Variants in ACSBG2 observed in about 807,000 individuals in gnomAD.
The protein encoded by ACSBG2 is long-chain-fatty-acid--CoA ligase ACSBG2.
In ACSBG2, 62 loss-of-function variants were observed where a neutral mutation model predicts 74.7. That is an observed-to-expected ratio of 0.83 (90% CI 0.68 to 1.03). The LOEUF (loss-of-function observed/expected upper bound fraction) is 1.03, where lower values mean the gene tolerates loss of function less well. ACSBG2 is among the 50% of genes least tolerant of loss of function. The pLI, the probability that ACSBG2 is intolerant of heterozygous loss-of-function variation, is 0.00. For missense variants in ACSBG2, 730 were observed against 817.6 expected (o/e 0.89, Z 1.31); for synonymous variants, 309 against 294.1 (o/e 1.05, Z -0.52).
intron 8 of ACSBG2, among the ~76,000 whole-genome samples, chr19:6,181,773 GT>G (rs1394133772): frequency 8.4e-6 from 1 of 119,522 alleles, no homozygotes; most frequent in East Asian, 2.3e-4. Context: ...GGAAGCGTTT[GT>G]TTGTTTTATT....
chr19:6,182,804 G>A lies in ACSBG2; in HGVS notation c.960G>A (p.Val320=). ...TAAAACCTACTGTCTTCATTGGAGT[G>A]CCTCAAATTTGGGAGAAGATACATG... ...KEVKPTVFIG[V]PQIWEKIHEM... Residue 320 remains valine, a synonymous_variant, in exon 9 of 15, where the codon GTG becomes GTA. Transcript: ENST00000588485. 1.2e-6 allele frequency: 2 copies of A among 1,614,194 alleles called. No homozygotes were observed. The highest frequency in any genetic ancestry group is 1.7e-6 in the Non-Finnish European group (2 of 1,180,030).
At chr19:6,181,955 C>T (rs376014142) in intron 8 of ACSBG2, among the ~76,000 whole-genome samples, 53 of 152,182 alleles carry the variant, frequency 3.5e-4, no homozygotes, top group African/African-American at 1.1e-3. Context: ...ACTTATTACA[C>T]TAGCTTGATA....
At chr19:6,184,867 A>C (rs1472165445) in intron 10 of ACSBG2, among the ~76,000 whole-genome samples, 1 of 141,844 alleles carries the variant, frequency 7.1e-6, no homozygotes, top group Non-Finnish European at 1.5e-5. Flanking sequence ...AAAAAAAAAA[A>C]AAAAACGAAA....
chr19:6,156,527 T>A lies in ACSBG2; in HGVS notation c.483T>A (p.Asp161Glu), dbSNP rs767797009. The A allele has an allele frequency of 1.3e-6, 2 of 1,586,808 alleles. No individual in the cohort carries two copies. Among genetic ancestry groups the A allele is most frequent in the Admixed American group, 1.8e-5 (1 of 55,732 alleles). ...TGAACATCTTGCTGGTTGAGAATGA[T>A]CAACAGTTACAGAAAATCCTTTCGG... The part of the protein sequence containing the change: ...AKVNILLVEN[D>E]QQLQKILSIP... Residue 161 changes from aspartate (D) to glutamate (E), a missense_variant, in exon 5 of 15, where the codon GAT becomes GAA. Physicochemically the swap from Asp to Glu is conservative, Grantham distance 45 (BLOSUM62 2). Transcript: ENST00000588485.
intron 6 of ACSBG2, among the ~76,000 whole-genome samples, chr19:6,164,310 C>G (rs975722805): frequency 3.3e-4 from 50 of 152,176 alleles, no homozygotes; most frequent in Admixed American, 1.2e-3. Flanking sequence ...TGCTCTTCCT[C>G]TCACCCTTGC....
At chr19:6,166,602 C>A (rs1425754494) in intron 7 of ACSBG2, among the ~76,000 whole-genome samples, 1 of 150,532 alleles carries the variant, frequency 6.6e-6, no homozygotes, top group Non-Finnish European at 1.5e-5. Flanking sequence ...CATGAGCCAC[C>A]ACGCCCAGCC....
rs367866519 is a variant in ACSBG2 at position 6,190,579 on chromosome 19, G to C, written c.1928-5G>C. On this transcript the variant is annotated splice_polypyrimidine_tract_variant and splice_region_variant and intron_variant, in intron 13 of 14. Coordinates refer to ENST00000588485, the MANE Select transcript of ACSBG2 (RefSeq NM_030924.5). ...CAACTCAATTGATTTCTCCTTTCTCGATAGGTCCAATGATGAAACTTAAGA... is the reference window on the plus strand; with the variant it reads ...CAACTCAATTGATTTCTCCTTTCTCCATAGGTCCAATGATGAAACTTAAGA... 6.2e-7 allele frequency: 1 copy of C among 1,613,036 alleles called. No homozygotes were observed.
In ACSBG2 at chr19:6,187,368, C is replaced by T. The variant is rs769621851; in HGVS notation, c.1626C>T (p.Asn542=). 17 of 1,614,114 alleles carry T rather than the reference C, an allele frequency of 1.1e-5. No homozygotes were observed. Among genetic ancestry groups the T allele is most frequent in the Admixed American group, 3.3e-5 (2 of 60,002 alleles). The stretch of plus-strand genomic sequence containing the variant: ...AGAAGAAGATCCCCATCATCAGTAA[C>T]GCCATGTTAGTAGGAGATAAACTGA... ...LVKKKIPIIS[N]AMLVGDKLKF... is the part of the protein sequence containing the mutation. Residue 542 remains asparagine (N), a synonymous_variant, in exon 12 of 15, where the codon AAC becomes AAT. Coordinates refer to ENST00000588485, the MANE Select transcript of ACSBG2 (RefSeq NM_030924.5).
intron 4 of ACSBG2, among the ~76,000 whole-genome samples, chr19:6,153,622 G>A (rs575251212): frequency 6.6e-6 from 1 of 152,036 alleles, no homozygotes; most frequent in Non-Finnish European, 1.5e-5. Context: ...GACTGCCTTA[G>A]CCCAAGAGTT....
intron 6 of ACSBG2, among the ~76,000 whole-genome samples, chr19:6,163,601 C>T (rs1163204778): frequency 1.3e-5 from 2 of 151,338 alleles, no homozygotes; most frequent in East Asian, 1.9e-4. Context: ...ATTAGCCGGG[C>T]GTGGTGGCAC....
At position 6,141,575 on chromosome 19, in the gene ACSBG2, C is replaced by CTAAA. The variant is rs1315601297; in HGVS notation, c.33_36dup (p.Asp13Ter). On this transcript the variant is annotated frameshift_variant, in exon 2 of 15. Transcript: ENST00000588485. LOFTEE classifies it high-confidence loss of function. ...GGAACCCCAAAGACTCAAGAAGGAG[C>CTAAA]TAAAGATCTTGAAGTAGACATGAAT... 1.2e-6 allele frequency: 2 copies of CTAAA among 1,611,948 alleles called. No individual in the cohort carries two copies. Among genetic ancestry groups the CTAAA allele is most frequent in the South Asian group, 2.2e-5 (2 of 91,028 alleles).
intron 6 of ACSBG2, among the ~76,000 whole-genome samples, chr19:6,164,425 T>G (rs1043184451): frequency 6.6e-6 from 1 of 150,474 alleles, no homozygotes; most frequent in East Asian, 1.9e-4. Context: ...GTAGAGGACT[T>G]TGAGGGGCCT....
At chr19:6,152,204 T>C (rs1013238222) in intron 4 of ACSBG2, among the ~76,000 whole-genome samples, 7 of 152,014 alleles carry the variant, frequency 4.6e-5, no homozygotes, top group Non-Finnish European at 1.0e-4. Flanking sequence ...CCTTGAAGTC[T>C]TGGGCTCATG....
intron 5 of ACSBG2, among the ~76,000 whole-genome samples, chr19:6,156,776 C>T (rs1199201377): frequency 6.7e-6 from 1 of 148,432 alleles, no homozygotes; most frequent in Non-Finnish European, 1.5e-5. Flanking sequence ...TAGTTTAATA[C>T]TCAGCCTCCA....
intron 6 of ACSBG2, 85 bp from the exon 7 acceptor site, chr19:6,165,781 A>C (rs903665956): frequency 3.3e-6 from 5 of 1,522,844 alleles, no homozygotes; most frequent in Non-Finnish European, 4.5e-6. Context: ...ATCATTCTTT[A>C]GGAAAAGCTG....
Position 6,185,447 on chromosome 19 carries a change from T to A in ACSBG2, c.1334T>A (p.Ile445Asn). 6.2e-7 allele frequency: 1 copy of A among 1,614,132 alleles called. No individual in the cohort carries two copies. The highest frequency in any genetic ancestry group is 1.1e-5 in the South Asian group (1 of 91,080). ...NNYRLLSCGK[I>N]LTGCKNMLFQ... ...CTGTCCCCTGGCAGCTGTGGCAAGA[T>A]CTTGACTGGGTGTAAGAATATGCTG... Residue 445 changes from isoleucine (I) to asparagine (N), a missense_variant, in exon 11 of 15, where the codon ATC becomes AAC. Coordinates refer to ENST00000588485, the MANE Select transcript of ACSBG2 (RefSeq NM_030924.5).
Position 6,156,492 on chromosome 19 carries a change from CAT to C in ACSBG2, c.449_450del (p.His150ArgfsTer9). The C allele has an allele frequency of 6.3e-7, 1 of 1,597,568 alleles. No homozygotes were observed. Among genetic ancestry groups the C allele is most frequent in the Non-Finnish European group, 8.5e-7 (1 of 1,172,770 alleles). On this transcript the variant is annotated frameshift_variant, in exon 5 of 15. Coordinates refer to ENST00000588485, the MANE Select transcript of ACSBG2 (RefSeq NM_030924.5). LOFTEE classifies it high-confidence loss of function. ...SAEVCQYVIT[H>X]AKVNILLVEN... is the part of the protein sequence containing the mutation. ...CGAGGTTTGTCAATATGTCATCACT[CAT>C]GCCAAAGTGAACATCTTGCTGGTTG...
intron 5 of ACSBG2, among the ~76,000 whole-genome samples, chr19:6,158,658 G>A (rs1568230450): frequency 6.6e-6 from 1 of 152,180 alleles, no homozygotes; most frequent in East Asian, 1.9e-4. Context: ...TCATGACTCT[G>A]AGTCACTCAT....
At chr19:6,151,492 T>C (rs1215816648) in intron 3 of ACSBG2, among the ~76,000 whole-genome samples, 1 of 152,060 alleles carries the variant, frequency 6.6e-6, no homozygotes, top group Non-Finnish European at 1.5e-5. Context: ...ACTTTTTTTG[T>C]AAAGACAGGG....
Sources: allele counts gnomAD v4.1 joint callset (sites outside exome capture counted in the v4.1 genomes callset), GRCh38; gene constraint gnomAD v4.1.1; transcripts MANE v1.5; gene names NCBI Gene and HGNC (gene_info 2026-07-23, HGNC 2026-07-21).